Variants in PILRB observed in about 807,000 individuals in gnomAD.
PILRB encodes the protein paired immunoglobulin-like type 2 receptor beta.
PILRB carries 21 observed loss-of-function variants against 20.5 expected under a neutral mutation model. That is an observed-to-expected ratio of 1.02 (90% CI 0.72 to 1.47). The LOEUF is 1.47. Among genes scored for constraint, PILRB ranks in the 40% most tolerant of loss-of-function variants. The pLI, the probability that PILRB is intolerant of heterozygous loss-of-function variation, is 0.00. For missense variants in PILRB, 253 were observed against 272.1 expected (o/e 0.93, Z 0.49); for synonymous variants, 133 against 115.1 (o/e 1.16, Z -0.99).
At chr7:100,361,477 AG>A (rs1301486644) in intron 3 of PILRB, among the ~76,000 whole-genome samples, 2 of 152,156 alleles carry the variant, frequency 1.3e-5, no homozygotes, top group Non-Finnish European at 2.9e-5. Context: ...GGATCACCTG[AG>A]GTCAGGCGTT....
In PILRB at chr7:100,358,984, A is replaced by G. The variant is rs753171482; in HGVS notation, c.359A>G (p.Gln120Arg). Residue 120 changes from glutamine (Q) to arginine (R), a missense_variant, in exon 2 of 4, where the codon CAG becomes CGG. By Grantham distance (43) the Gln-to-Arg change is conservative (BLOSUM62 1). Transcript: ENST00000609309. ...ATCTCAAACCTGCGGAAGGAGGACC[A>G]GTCTGTGTATTTCTGCCGAGTCGAG... ...LRISNLRKED[Q>R]SVYFCRVELD... The G allele has an allele frequency of 1.1e-5, 18 of 1,614,170 alleles. No individual in the cohort carries two copies. Among genetic ancestry groups the G allele is most frequent in the Non-Finnish European group, 1.4e-5 (17 of 1,180,044 alleles).
chr7:100,362,909 TC>T (rs2130112638), intron 3 of PILRB, among the ~76,000 whole-genome samples: 1 of 152,176 alleles, frequency 6.6e-6, no homozygotes, highest in Non-Finnish European at 1.5e-5. Flanking sequence ...TGAAAGTCTT[TC>T]AGTCATTTTA....
intron 3 of PILRB, among the ~76,000 whole-genome samples, chr7:100,364,562 A>G (rs1237922916): frequency 6.6e-6 from 1 of 152,254 alleles, no homozygotes; most frequent in African/African-American, 2.4e-5. Context: ...CGATAGATCA[A>G]CTGGAAATCT....
At chr7:100,362,514 C>CTT (rs1193632079) in intron 3 of PILRB, among the ~76,000 whole-genome samples, 1 of 145,106 alleles carries the variant, frequency 6.9e-6, no homozygotes, top group African/African-American at 2.5e-5. Flanking sequence ...AACACCTTTC[C>CTT]TTTTTTTTTT....
At chr7:100,360,506 AT>A (rs1790496243) in intron 3 of PILRB, among the ~76,000 whole-genome samples, 1 of 152,208 alleles carries the variant, frequency 6.6e-6, no homozygotes, top group African/African-American at 2.4e-5. Context: ...GGAGGAAACC[AT>A]TCCAGGAGCT....
At position 100,358,928 on chromosome 7, in the gene PILRB, G is replaced by T. The variant is rs368810537; in HGVS notation, c.303G>T (p.Trp101Cys). The T allele has an allele frequency of 1.5e-5, 24 of 1,614,060 alleles. No individual in the cohort carries two copies. In the East Asian group the frequency reaches 4.5e-4, roughly 30 times the overall value. Residue 101 changes from tryptophan (W) to cysteine (C), a missense_variant, in exon 2 of 4, where the codon TGG becomes TGT. Coordinates refer to ENST00000609309, the MANE Select transcript of PILRB (RefSeq NM_178238.4). ...KDYVNRLFLN[W>C]TEGQESGFLR... ...ATGTGAACCGGCTCTTTCTGAACTG[G>T]ACAGAGGGTCAGGAGAGCGGCTTCC...
In PILRB at chr7:100,367,626, T is replaced by G. The variant is rs990687918; in HGVS notation, c.*249T>G. The G allele has an allele frequency of 1.9e-6, 1 of 526,204 alleles. No homozygotes were observed. Among genetic ancestry groups the G allele is most frequent in the Non-Finnish European group, 3.4e-6 (1 of 294,134 alleles). 32.6% of individuals were successfully genotyped at this position (526,204 alleles called of 1,614,324 possible). ...AATGATATAGGAATGAGGTCTGAAC[T>G]CCACTGAATTAAACCACTGGCATTT... On this transcript the variant is annotated 3_prime_UTR_variant, in exon 4 of 4. Coordinates refer to ENST00000609309, the MANE Select transcript of PILRB (RefSeq NM_178238.4).
intron 3 of PILRB, among the ~76,000 whole-genome samples, chr7:100,364,857 G>T (rs1395633805): frequency 1.3e-5 from 2 of 152,062 alleles, no homozygotes; most frequent in African/African-American, 2.4e-5. Flanking sequence ...GGAAGCTGAG[G>T]TTAGGAGAAT....
chr7:100,358,200 G>C lies in PILRB; in HGVS notation c.-103G>C. The C allele has an allele frequency of 3.6e-6, 5 of 1,387,050 alleles. No individual in the cohort carries two copies. The highest frequency in any genetic ancestry group is 5.1e-6 in the Non-Finnish European group (5 of 986,666). The allele number at this position is 1,387,050 out of a possible 1,614,324, so 85.9% of individuals were successfully genotyped here. On this transcript the variant is annotated 5_prime_UTR_variant, in exon 1 of 4. Coordinates refer to ENST00000609309, the MANE Select transcript of PILRB (RefSeq NM_178238.4). The stretch of plus-strand genomic sequence containing the variant: ...CAGCCCTCTGGGGAGCCTCACCCTG[G>C]CTCTCCCCACTCACCTCAGCCCTCA...
Position 100,367,448 on chromosome 7 carries a change from C to G in PILRB, c.*71C>G. 2.6e-6 allele frequency: 2 copies of G among 772,570 alleles called. No homozygotes were observed. Among genetic ancestry groups the G allele is most frequent in the South Asian group, 2.7e-5 (2 of 74,452 alleles). The allele number at this position is 772,570 out of a possible 1,614,324, so 47.9% of individuals were successfully genotyped here. A position where few individuals can be genotyped will look rare whatever the true frequency, so the allele number is the denominator to read the frequency against. On this transcript the variant is annotated 3_prime_UTR_variant, in exon 4 of 4. Coordinates refer to ENST00000609309, the MANE Select transcript of PILRB (RefSeq NM_178238.4). ...GTGATGTGAGACCCGCTTGTGAGTC[C>G]TCCACACTCGTTCCCCATTGGCAAG...
In PILRB at chr7:100,358,317, GCTGCTGCCC is replaced by G. The variant is rs781463629; in HGVS notation, c.23_31del (p.Pro8_Leu10del). ...AGAACAAGGCCATGGGTCGGCCCCT[GCTGCTGCCC>G]CTGCTGCTCCTGCTGCAGCCGCCAG... On this transcript the variant is annotated inframe_deletion, in exon 1 of 4. Transcript: ENST00000609309. The G allele has an allele frequency of 8.7e-6, 14 of 1,612,570 alleles. No homozygotes were observed. Among genetic ancestry groups the G allele is most frequent in the African/African-American group, 4.0e-5 (3 of 74,916 alleles).
chr7:100,359,313 C>A, intron 2 of PILRB, 24 bp from the exon 3 acceptor site: 1 of 1,610,488 alleles, frequency 6.2e-7, no homozygotes, highest in South Asian at 1.1e-5. Flanking sequence ...AGAAGAGGGT[C>A]TGCTCATTCC....
chr7:100,363,059 C>T (rs146411353), intron 3 of PILRB, among the ~76,000 whole-genome samples: 17 of 147,430 alleles, frequency 1.2e-4, no homozygotes, highest in African/African-American at 3.8e-4. Flanking sequence ...TTTTGGAAGT[C>T]GAGGCAGGTG....
Position 100,367,616 on chromosome 7 carries a change from A to C in PILRB, c.*239A>C. The C allele has an allele frequency of 1.8e-6, 1 of 551,918 alleles. No individual in the cohort carries two copies. Among genetic ancestry groups the C allele is most frequent in the Non-Finnish European group, 3.3e-6 (1 of 307,446 alleles). The allele number at this position is 551,918 out of a possible 1,614,324, so 34.2% of individuals were successfully genotyped here. ...TCCACACTGCAATGATATAGGAATG[A>C]GGTCTGAACTCCACTGAATTAAACC... is the stretch of plus-strand genomic sequence containing the variant. On this transcript the variant is annotated 3_prime_UTR_variant, in exon 4 of 4. Coordinates refer to ENST00000609309, the MANE Select transcript of PILRB (RefSeq NM_178238.4).
chr7:100,362,995 C>G (rs1413424889), intron 3 of PILRB, among the ~76,000 whole-genome samples: 4 of 151,986 alleles, frequency 2.6e-5, no homozygotes, highest in African/African-American at 7.3e-5. Flanking sequence ...TTCTATTCAA[C>G]ACAGGATTTG....
intron 3 of PILRB, among the ~76,000 whole-genome samples, chr7:100,362,880 G>A (rs1033817171): frequency 6.6e-6 from 1 of 152,092 alleles, no homozygotes; most frequent in East Asian, 1.9e-4. Flanking sequence ...ATAAAGGCCA[G>A]TCATGCAAGG....
In PILRB at chr7:100,367,675, CAA is replaced by C. The variant is rs1790736434; in HGVS notation, c.*300_*301del. The C allele has an allele frequency of 1.5e-5, 6 of 411,286 alleles. No homozygotes were observed. The highest frequency in any genetic ancestry group is 4.0e-5 in the African/African-American group (2 of 50,142). 25.5% of individuals were successfully genotyped at this position (411,286 alleles called of 1,614,324 possible). A position where few individuals can be genotyped will look rare whatever the true frequency, so the allele number is the denominator to read the frequency against. On this transcript the variant is annotated 3_prime_UTR_variant, in exon 4 of 4. Coordinates refer to ENST00000609309, the MANE Select transcript of PILRB (RefSeq NM_178238.4). ...TTGGGGGCTGTTTATTATAGCAGTG[CAA>C]AGAGTTCCTTTATCCTCCCCAAGGA...
intron 1 of PILRB, 27 bp from the exon 2 acceptor site, chr7:100,358,663 C>G (rs368169830): frequency 1.2e-6 from 2 of 1,608,984 alleles, no homozygotes; most frequent in South Asian, 1.1e-5. Flanking sequence ...CAAGGTCTCT[C>G]CCCCACTCAC....
chr7:100,365,919 A>G (rs552608073), intron 3 of PILRB, among the ~76,000 whole-genome samples: 23 of 151,750 alleles, frequency 1.5e-4, no homozygotes, highest in African/African-American at 5.6e-4. Context: ...CTGTACACTA[A>G]GCAATGGTTA....
Sources: gnomAD v4.1 joint callset for allele counts (sites outside exome capture counted in the v4.1 genomes callset) on GRCh38, gnomAD v4.1.1 for gene constraint, MANE v1.5 for transcripts, NCBI Gene and HGNC (gene_info 2026-07-23, HGNC 2026-07-21) for gene names.